GLI2: variants seen among roughly 807,000 people sequenced by gnomAD.
GLI2 encodes transcription activator GLI2.
Under a neutral mutation model 78.9 loss-of-function variants are expected in GLI2, and 22 were observed. The ratio of observed to expected loss-of-function variants is 0.28; its 90% CI spans 0.20 to 0.40. The LOEUF is 0.40. Among genes scored for constraint, GLI2 ranks in the 10% least tolerant of loss-of-function variants. The pLI is 1.00. For missense variants in GLI2, 2,097 were observed against 2,213.2 expected (o/e 0.95, Z 1.05); for synonymous variants, 974 against 963.7 (o/e 1.01, Z -0.20).
chr2:120,894,705 T>C (rs1199230579), intron 2 of GLI2, among the ~76,000 whole-genome samples: 2 of 148,718 alleles, frequency 1.3e-5, no homozygotes, highest in South Asian at 2.1e-4. Context: ...TTCTTTCTTT[T>C]TTTTTTTTTT....
At chr2:120,900,850 G>T (rs956658011) in intron 2 of GLI2, among the ~76,000 whole-genome samples, 1 of 152,144 alleles carries the variant, frequency 6.6e-6, no homozygotes, top group Non-Finnish European at 1.5e-5. Context: ...CAGAGTTGTG[G>T]GTTCAGATTT....
chr2:120,888,441 C>T (rs548197992), intron 2 of GLI2, among the ~76,000 whole-genome samples: 1 of 152,320 alleles, frequency 6.6e-6, no homozygotes, highest in Non-Finnish European at 1.5e-5. Flanking sequence ...TTGAACAGCA[C>T]CGCCATCACT....
intron 1 of GLI2, among the ~76,000 whole-genome samples, chr2:120,791,217 C>A (rs1051222599): frequency 6.6e-6 from 1 of 152,316 alleles, no homozygotes; most frequent in South Asian, 2.1e-4. Context: ...ACGTTCCCCA[C>A]GTCCCTATCT....
chr2:120,792,194 C>G (rs1041327505), intron 1 of GLI2: 7 of 152,216 alleles, frequency 4.6e-5, no homozygotes, highest in African/African-American at 9.6e-5. Flanking sequence ...TTCGCTCATT[C>G]TGCTCTGATT....
chr2:120,799,576 C>G (rs1305629154), intron 2 of GLI2, among the ~76,000 whole-genome samples: 1 of 152,208 alleles, frequency 6.6e-6, no homozygotes, highest in Admixed American at 6.5e-5. Context: ...TGGGCCAAGT[C>G]TCCTAGTGCT....
chr2:120,972,585 C>T, intron 8 of GLI2: 3 of 511,972 alleles, frequency 5.9e-6, no homozygotes, highest in African/African-American at 3.8e-5. Flanking sequence ...GTGTGCACAC[C>T]TGTCTCCCTG....
At chr2:120,858,254 T>G (rs926910307) in intron 2 of GLI2, among the ~76,000 whole-genome samples, 1 of 152,222 alleles carries the variant, frequency 6.6e-6, no homozygotes, top group Non-Finnish European at 1.5e-5. Context: ...TCTCAGTGTT[T>G]TTATTTGTCA....
At chr2:120,938,111 C>G (rs761625096) in intron 3 of GLI2, among the ~76,000 whole-genome samples, 22 of 152,164 alleles carry the variant, frequency 1.4e-4, no homozygotes, top group Non-Finnish European at 2.9e-4. Context: ...CAGACAAAGT[C>G]CCCCTGTACT....
chr2:120,983,909 TTGTAAG>T (rs1251484640), intron 11 of GLI2, among the ~76,000 whole-genome samples: 3 of 150,404 alleles, frequency 2.0e-5, no homozygotes, highest in Admixed American at 1.3e-4. Context: ...GTATGTGTGT[TTGTAAG>T]TGTATGTTTT....
intron 1 of GLI2, among the ~76,000 whole-genome samples, chr2:120,776,649 C>G (rs772120773): frequency 1.3e-5 from 2 of 152,254 alleles, no homozygotes; most frequent in Non-Finnish European, 2.9e-5. Context: ...GATCCAGGAC[C>G]CAGGATTATC....
At position 120,825,643 on chromosome 2, in the gene GLI2, G is replaced by A. The variant is rs114508789; in HGVS notation, c.148+28175G>A. 1.5e-3 allele frequency among the ~76,000 whole-genome samples: 220 copies of A among 151,412 alleles called. 1 individual carries two copies. The highest frequency in any genetic ancestry group is 4.8e-3 in the African/African-American group (198 of 41,252). ...ATGCACCTGACTGTGAGCGTGCACC[G>A]GACTGTGAGTGTGCACCTGGCTGTA... On this transcript the variant is annotated intron_variant, in intron 2 of 13. Coordinates refer to ENST00000361492, the MANE Select transcript of GLI2 (RefSeq NM_001374353.1).
intron 5 of GLI2, among the ~76,000 whole-genome samples, chr2:120,967,677 C>T (rs1681925392): frequency 6.6e-6 from 1 of 152,220 alleles, no homozygotes; most frequent in Admixed American, 6.5e-5. Context: ...CACATGTCTG[C>T]GTGTGGGTGC....
At chr2:120,764,225 G>A (rs960705913) in intron 1 of GLI2, among the ~76,000 whole-genome samples, 16 of 152,226 alleles carry the variant, frequency 1.1e-4, no homozygotes, top group Admixed American at 3.3e-4. Context: ...GGCTCGTGGC[G>A]CAGCCGGAGG....
chr2:120,950,924 C>T (rs1027902717), intron 3 of GLI2, among the ~76,000 whole-genome samples: 3 of 152,256 alleles, frequency 2.0e-5, no homozygotes, highest in African/African-American at 7.2e-5. Context: ...CACAGTGCAA[C>T]TGTGACGTGT....
intron 3 of GLI2, among the ~76,000 whole-genome samples, chr2:120,948,062 G>C (rs989001979): frequency 6.6e-6 from 1 of 152,228 alleles, no homozygotes; most frequent in African/African-American, 2.4e-5. Context: ...CAAGGGAACA[G>C]TCAGTCCTGG....
chr2:120,947,045 G>A (rs898104343), intron 3 of GLI2, among the ~76,000 whole-genome samples: 3 of 152,348 alleles, frequency 2.0e-5, no homozygotes, highest in East Asian at 3.9e-4. Flanking sequence ...GGGTGGGATT[G>A]TATGTGATGA....
intron 2 of GLI2, among the ~76,000 whole-genome samples, chr2:120,908,074 G>C (rs1678632396): frequency 6.6e-6 from 1 of 152,160 alleles, no homozygotes; most frequent in African/African-American, 2.4e-5. Context: ...TGCCCACATG[G>C]GGCCCTATTA....
At chr2:120,797,777 G>C (rs13017743) in intron 2 of GLI2, among the ~76,000 whole-genome samples, 1 of 152,086 alleles carries the variant, frequency 6.6e-6, no homozygotes, top group Admixed American at 6.5e-5. Context: ...CTGCCAGGCA[G>C]CCCTGGGGTG....
At chr2:120,880,859 T>C (rs911418987) in intron 2 of GLI2, among the ~76,000 whole-genome samples, 5 of 152,198 alleles carry the variant, frequency 3.3e-5, no homozygotes, top group Non-Finnish European at 7.3e-5. Context: ...TTTTCAGCCA[T>C]TGAACACAAG....
Sources: gnomAD v4.1 joint callset for allele counts (sites outside exome capture counted in the v4.1 genomes callset) on GRCh38, gnomAD v4.1.1 for gene constraint, MANE v1.5 for transcripts, NCBI Gene and HGNC (gene_info 2026-07-23, HGNC 2026-07-21) for gene names.